OVGP1: variants seen among roughly 807,000 people sequenced by gnomAD.
OVGP1 encodes the protein oviduct-specific glycoprotein.
Under a neutral mutation model 48.2 loss-of-function variants are expected in OVGP1, and 26 were observed. The ratio of observed to expected loss-of-function variants is 0.54; its 90% CI spans 0.40 to 0.75. The LOEUF (loss-of-function observed/expected upper bound fraction) is 0.75. OVGP1 is among the 30% of genes least tolerant of loss of function. OVGP1 has a pLI of 0.00. For missense variants in OVGP1, 791 were observed against 820.6 expected, an observed-to-expected ratio of 0.96 and a Z score of 0.44; for synonymous variants, 294 against 305.7, an observed-to-expected ratio of 0.96 and a Z score of 0.40.
In OVGP1 at chr1:111,414,840, G is replaced by A. The variant is rs778484327; in HGVS notation, c.1661C>T (p.Thr554Ile). The A allele has an allele frequency of 1.1e-5, 18 of 1,593,890 alleles. No homozygotes were observed. The highest frequency in any genetic ancestry group is 1.5e-5 in the Non-Finnish European group (17 of 1,166,618). Residue 554 changes from threonine (T) to isoleucine (I), a missense_variant, in exon 11 of 11, where the codon ACT becomes ATT. By Grantham distance (89) the Thr-to-Ile change is moderately conservative (BLOSUM62 -1). Coordinates refer to ENST00000369732, the MANE Select transcript of OVGP1 (RefSeq NM_002557.4). Reference protein sequence around the residue: ...GTTMTPVHFQTETLRQNTVAP... With the variant: ...GTTMTPVHFQIETLRQNTVAP... ...CACTGTATTCTGTCTAAGGGTCTCA[G>A]TCTGAAAATGGACAGGGGTCATAGT...
chr1:111,423,496 A>G (rs1405953215), intron 5 of OVGP1, 47 bp downstream of exon 5: 1 of 1,593,312 alleles, frequency 6.3e-7, no homozygotes, highest in East Asian at 2.2e-5. Context: ...CTAGATATAT[A>G]AAAGTAGAAT....
At chr1:111,423,209 C>A (rs1305900770) in intron 5 of OVGP1, among the ~76,000 whole-genome samples, 158 bp from the exon 6 acceptor site, 1 of 152,114 alleles carries the variant, frequency 6.6e-6, no homozygotes, top group African/African-American at 2.4e-5. Context: ...ATGAGACAGG[C>A]AGATGAGGGC....
intron 9 of OVGP1, chr1:111,416,682 GGAT>G: frequency 2.5e-6 from 1 of 399,406 alleles, no homozygotes; most frequent in East Asian, 3.7e-5. Context: ...AAAAAAAAGA[GGAT>G]AATAACATGT....
At position 111,414,813 on chromosome 1, in the gene OVGP1, G is replaced by A. The variant is rs1451149892; in HGVS notation, c.1688C>T (p.Ala563Val). 6.3e-7 allele frequency: 1 copy of A among 1,597,362 alleles called. No individual in the cohort carries two copies. The highest frequency in any genetic ancestry group is 8.6e-7 in the Non-Finnish European group (1 of 1,169,206). Residue 563 changes from alanine to valine, a missense_variant, in exon 11 of 11, where the codon GCC becomes GTC. Transcript: ENST00000369732. ...ACGGGCCACAGCCTTCCTTCTAGGG[G>A]CCACTGTATTCTGTCTAAGGGTCTC... ...QTETLRQNTV[A>V]PRRKAVAREK...
rs17027661 is a variant in OVGP1, at chr1:111,426,917, C to A, written c.55+145G>T. The A allele has an allele frequency of 6.8e-3, 10,511 of 1,551,136 alleles. 462 individuals carry two copies. The African/African-American group carries it at 0.11, about 16-fold the overall frequency. On this transcript the variant is annotated intron_variant, in intron 2 of 10. Transcript: ENST00000369732. ...GTCAGCGACACAAACAGCAGGTGAC[C>A]AAAAATCCTCTGAGAAACTGTGTTG...
rs61742558 is a variant in OVGP1, at chr1:111,414,903, G to C, written c.1598C>G (p.Thr533Ser). 6.4e-3 allele frequency: 4,872 copies of C among 758,528 alleles called. 120 individuals carry two copies. In the African/African-American group the frequency reaches 0.12, roughly 18 times the overall value. The allele number at this position is 758,528 out of a possible 1,614,324, so 47.0% of individuals were successfully genotyped here. ...GCTCACAGACTGATGACTCACAGGG[G>C]TCACAGACTGATGACCCACAGGGGT... Reference protein sequence around the residue: ...TLTPVGHQSVTPVSHQSVSPG... With the variant: ...TLTPVGHQSVSPVSHQSVSPG... Residue 533 changes from threonine to serine, a missense_variant, in exon 11 of 11, where the codon ACC becomes AGC. Transcript: ENST00000369732.
At chr1:111,423,403 C>T (rs1652321146) in intron 5 of OVGP1, 140 bp downstream of exon 5, 2 of 910,018 alleles carry the variant, frequency 2.2e-6, no homozygotes, top group East Asian at 2.6e-5. Flanking sequence ...AGGTATTACC[C>T]TCCAGGGGTT....
rs774608371 is a variant in OVGP1, at chr1:111,416,358, A to AG, written c.1120dup (p.Leu374ProfsTer7). On this transcript the variant is annotated frameshift_variant, in exon 10 of 11. Transcript: ENST00000369732. LOFTEE classifies it low-confidence loss of function (END_TRUNC). ...CAGGATATCATTCAATACGTAGACA[A>AG]GGGGGAAAGGGCCAGTGCCACAGAA... The AG allele has an allele frequency of 1.3e-4, 212 of 1,605,568 alleles. No homozygotes were observed. Among genetic ancestry groups the AG allele is most frequent in the Non-Finnish European group, 1.7e-4 (199 of 1,175,724 alleles).
rs376256714 is a variant in OVGP1 at position 111,416,462 on chromosome 1, T to C, written c.1021-4A>G. On this transcript the variant is annotated splice_region_variant and splice_polypyrimidine_tract_variant and intron_variant, in intron 9 of 10. Transcript: ENST00000369732. ...GCTCTCGCCTTATAAACCATGCCTG[T>C]AAAAGTAACAGTCAGTCAACCTGCT... 2.5e-6 allele frequency: 4 copies of C among 1,600,802 alleles called. No individual in the cohort carries two copies. Among genetic ancestry groups the C allele is most frequent in the Non-Finnish European group, 3.4e-6 (4 of 1,173,052 alleles).
intron 2 of OVGP1, 65 bp from the exon 3 acceptor site, chr1:111,426,706 A>G: frequency 6.4e-7 from 1 of 1,572,834 alleles, no homozygotes; most frequent in Non-Finnish European, 8.6e-7. Context: ...CAGCTTCCAG[A>G]AAGCAATGTG....
At chr1:111,422,742 C>A (rs550952694) in intron 6 of OVGP1, among the ~76,000 whole-genome samples, 185 bp downstream of exon 6, 2 of 152,126 alleles carry the variant, frequency 1.3e-5, no homozygotes, top group Admixed American at 6.6e-5. Flanking sequence ...TAAAGAAACC[C>A]TCAGGGTATA....
rs145466502 is a variant in OVGP1 at position 111,416,453 on chromosome 1, C to A, written c.1026G>T (p.Trp342Cys). The change falls in exon 10 of 11, where the codon TGG becomes TGT. Residue 342 changes from tryptophan (W) to cysteine (C), a missense_variant. By Grantham distance (215) the Trp-to-Cys change is radical. Coordinates refer to ENST00000369732, the MANE Select transcript of OVGP1 (RefSeq NM_002557.4). ...DNAISFSYKA[W>C]FIRREHFGGA... is the part of the protein sequence containing the mutation. ...CCCCAAAATGCTCTCGCCTTATAAA[C>A]CATGCCTGTAAAAGTAACAGTCAGT... 4 of 1,602,850 alleles carry A rather than the reference C, an allele frequency of 2.5e-6. No homozygotes were observed. The East Asian group carries it at 6.7e-5, about 27-fold the overall frequency.
Position 111,426,590 on chromosome 1 carries a change from G to A in OVGP1, c.107C>T (p.Pro36Leu), listed in dbSNP as rs1407809145. The change falls in exon 3 of 11, where the codon CCA becomes CTA. Residue 36 changes from proline (P) to leucine (L), a missense_variant. By Grantham distance (98) the Pro-to-Leu change is moderately conservative. Transcript: ENST00000369732. ...ATGGGGCAAGATCGAGGCAGGGCCT[G>A]GCCGACTGTGTGCCCAGTTGGTGAA... is the stretch of plus-strand genomic sequence containing the variant. ...CYFTNWAHSR[P>L]GPASILPHDL... is the part of the protein sequence containing the mutation. 1.9e-6 allele frequency: 3 copies of A among 1,614,008 alleles called. No individual in the cohort carries two copies. In the Admixed American group the frequency reaches 5.0e-5, roughly 27 times the overall value.
chr1:111,421,765 A>C, intron 6 of OVGP1, 92 bp from the exon 7 acceptor site: 1 of 792,170 alleles, frequency 1.3e-6, no homozygotes, highest in Non-Finnish European at 2.2e-6. Flanking sequence ...CTAGCTAGAC[A>C]TTGGTCACCA....
rs146360764 is a variant in OVGP1 at position 111,414,627 on chromosome 1, C to A, written c.1874G>T (p.Ser625Ile). 9.3e-6 allele frequency: 15 copies of A among 1,614,060 alleles called. No homozygotes were observed. In the South Asian group the frequency reaches 1.1e-4, roughly 12 times the overall value. Residue 625 changes from serine (S) to isoleucine (I), a missense_variant, in exon 11 of 11, where the codon AGC (serine) becomes ATC (isoleucine). Transcript: ENST00000369732. ...EAENRMMLSS[S>I]PVIQLPEQTP... ...TTGTTCCGGGAGCTGGATGACGGGG[C>A]TGGAGGACAGCATCATCCTGTTTTC...
intron 6 of OVGP1, 67 bp from the exon 7 acceptor site, chr1:111,421,740 G>T (rs903331501): frequency 2.1e-6 from 2 of 940,564 alleles, no homozygotes; most frequent in African/African-American, 1.6e-5. Flanking sequence ...GAGCATCACA[G>T]CACTGTCTAG....
Position 111,414,504 on chromosome 1 carries a change from T to C in OVGP1, c.1997A>G (p.Lys666Arg). The change falls in exon 11 of 11, where the codon AAA becomes AGA. Residue 666 changes from lysine to arginine, a missense_variant. Coordinates refer to ENST00000369732, the MANE Select transcript of OVGP1 (RefSeq NM_002557.4). ...TPQTSPLSLK[K>R]EIPENSAVDE... is the part of the protein sequence containing the mutation. Reference sequence around the variant, plus strand: ...CACAGCAGAGTTTTCTGGGATTTCTTTTTTTAGAGAAAGAGGACTTGTTTG... The same window carrying C: ...CACAGCAGAGTTTTCTGGGATTTCTCTTTTTAGAGAAAGAGGACTTGTTTG... 1 of 1,613,656 alleles carries C rather than the reference T, an allele frequency of 6.2e-7. No individual in the cohort carries two copies. Among genetic ancestry groups the C allele is most frequent in the South Asian group, 1.1e-5 (1 of 91,056 alleles).
chr1:111,427,088 A>T lies in OVGP1; in HGVS notation c.29T>A (p.Leu10Gln), dbSNP rs1443327346. MWKLLLWVG[L>Q]VLVLKHHDGA... ...ATCGTGGTGTTTCAGCACAAGAACC[A>T]GCCCTGTGAGAAACAAAGGAAGGAG... The change falls in exon 2 of 11, where the codon CTG becomes CAG. Residue 10 changes from leucine (L) to glutamine (Q), a missense_variant. Coordinates refer to ENST00000369732, the MANE Select transcript of OVGP1 (RefSeq NM_002557.4). The T allele has an allele frequency of 6.2e-7, 1 of 1,614,138 alleles. No homozygotes were observed. Among genetic ancestry groups the T allele is most frequent in the African/African-American group, 1.3e-5 (1 of 75,040 alleles).
Position 111,421,434 on chromosome 1 carries a change from G to A in OVGP1, c.745C>T (p.Leu249Phe), listed in dbSNP as rs1198090316. The A allele has an allele frequency of 6.2e-7, 1 of 1,611,596 alleles. No homozygotes were observed. The highest frequency in any genetic ancestry group is 8.5e-7 in the Non-Finnish European group (1 of 1,179,142). The change falls in exon 8 of 11, where the codon CTT becomes TTT. Residue 249 changes from leucine to phenylalanine, a missense_variant. Physicochemically the swap from Leu to Phe is conservative, Grantham distance 22. Transcript: ENST00000369732. ...ATGAGCTTCTCTGAGGGTGCCCCAA[G>A]CTTTCTCCAATAATTCATAGCATAT... The part of the protein sequence containing the change: ...SAYAMNYWRK[L>F]GAPSEKLIMG...
Sources: gnomAD v4.1 joint callset for allele counts (sites outside exome capture counted in the v4.1 genomes callset) on GRCh38, gnomAD v4.1.1 for gene constraint, MANE v1.5 for transcripts, NCBI Gene and HGNC (gene_info 2026-07-23, HGNC 2026-07-21) for gene names.